Variants in COL27A1 observed in about 807,000 individuals in gnomAD.
COL27A1 encodes collagen type XXVII alpha 1 chain.
COL27A1 carries 106 observed loss-of-function variants against 251.3 expected under a neutral mutation model. The observed-to-expected ratio is 0.42, with a 90% CI of 0.36 to 0.50. COL27A1 has a LOEUF of 0.50. Among genes scored for constraint, COL27A1 ranks in the 20% least tolerant of loss-of-function variants. COL27A1 has a pLI of 0.00. For synonymous variants in COL27A1, 1,000 were observed against 986.3 expected, an observed-to-expected ratio of 1.01 and a Z score of -0.26; for missense variants, 2,325 against 2,522.8, an observed-to-expected ratio of 0.92 and a Z score of 1.68.
intron 34 of COL27A1, among the ~76,000 whole-genome samples, chr9:114,268,048 C>T (rs1021329529): frequency 5.9e-5 from 9 of 152,318 alleles, no homozygotes; most frequent in African/African-American, 2.2e-4. Context: ...TCCAGTCACC[C>T]CCTTCCATGC....
In COL27A1 at chr9:114,202,076, G is replaced by A. The variant is rs141547777; in HGVS notation, c.2125-3026G>A. Among the ~76,000 whole-genome samples the A allele has an allele frequency of 3.3e-3, 496 of 152,338 alleles. 2 individuals carry two copies. Among genetic ancestry groups the A allele is most frequent in the African/African-American group, 0.011 (477 of 41,580 alleles). Reference sequence around the variant, plus strand: ...GGAGTCCATGAACTGATATGTGAAGGCTTCAGTGCTGAGCCAGGCATAGGG... The same window carrying A: ...GGAGTCCATGAACTGATATGTGAAGACTTCAGTGCTGAGCCAGGCATAGGG... On this transcript the variant is annotated intron_variant, in intron 7 of 60. Coordinates refer to ENST00000356083, the MANE Select transcript of COL27A1 (RefSeq NM_032888.4).
intron 27 of COL27A1, among the ~76,000 whole-genome samples, chr9:114,255,039 C>T (rs1280908176): frequency 2.0e-5 from 3 of 152,184 alleles, no homozygotes; most frequent in African/African-American, 7.2e-5. Context: ...TCTGTCCATC[C>T]TCATGATTCT....
intron 24 of COL27A1, among the ~76,000 whole-genome samples, chr9:114,246,689 C>T (rs1424541474): frequency 2.0e-5 from 3 of 152,144 alleles, no homozygotes; most frequent in Non-Finnish European, 4.4e-5. Flanking sequence ...CCGTCAGTGG[C>T]GTGAGAGTCA....
At position 114,300,621 on chromosome 9, in the gene COL27A1, A is replaced by G; in HGVS notation, c.4639-4A>G. 6.5e-7 allele frequency: 1 copy of G among 1,536,052 alleles called. No homozygotes were observed. The highest frequency in any genetic ancestry group is 8.7e-7 in the Non-Finnish European group (1 of 1,143,802). On this transcript the variant is annotated splice_region_variant and splice_polypyrimidine_tract_variant and intron_variant, in intron 50 of 60. Transcript: ENST00000356083. Reference sequence around the variant, plus strand: ...ACAGACAGCCCTTTCTCTGCCTCCCACAGGGCCCGCCTGGAGACATTGGCT... The same window carrying G: ...ACAGACAGCCCTTTCTCTGCCTCCCGCAGGGCCCGCCTGGAGACATTGGCT...
chr9:114,251,657 C>A (rs181665462), intron 25 of COL27A1, among the ~76,000 whole-genome samples: 1 of 152,300 alleles, frequency 6.6e-6, no homozygotes, highest in Admixed American at 6.5e-5. Flanking sequence ...TGACCCATGT[C>A]CCTTCTCACC....
At chr9:114,172,697 G>A (rs1486127464) in intron 3 of COL27A1, among the ~76,000 whole-genome samples, 3 of 152,162 alleles carry the variant, frequency 2.0e-5, no homozygotes, top group Non-Finnish European at 4.4e-5. Flanking sequence ...GGGAGGCCGA[G>A]GTAGGAGAAT....
intron 59 of COL27A1, among the ~76,000 whole-genome samples, chr9:114,308,089 A>G (rs1014306606): frequency 1.3e-5 from 2 of 152,018 alleles, no homozygotes; most frequent in East Asian, 1.9e-4. Context: ...ATGAATCATC[A>G]GCATGAAATA....
At chr9:114,244,892 C>CA (rs1833007457) in intron 23 of COL27A1, among the ~76,000 whole-genome samples, 1 of 152,086 alleles carries the variant, frequency 6.6e-6, no homozygotes, top group Non-Finnish European at 1.5e-5. Flanking sequence ...CAGCATGGGA[C>CA]AAAACAGACA....
Position 114,201,327 on chromosome 9 carries a change from G to T in COL27A1, c.2125-3775G>T, listed in dbSNP as rs375664618. Among the ~76,000 whole-genome samples the T allele has an allele frequency of 9.8e-5, 15 of 152,322 alleles. No individual in the cohort carries two copies. The East Asian group carries it at 2.7e-3, about 27-fold the overall frequency. On this transcript the variant is annotated intron_variant, in intron 7 of 60. Transcript: ENST00000356083. ...CAGCACCCGCCCCATAATTGGCGGG[G>T]CGCTGCACAAGATAATGGTTTAGAT...
intron 14 of COL27A1, among the ~76,000 whole-genome samples, chr9:114,224,195 G>T (rs562568974): frequency 6.6e-6 from 1 of 152,322 alleles, no homozygotes; most frequent in Admixed American, 6.5e-5. Context: ...GAACTCTCTA[G>T]AAGTCTTCTA....
intron 5 of COL27A1, among the ~76,000 whole-genome samples, chr9:114,189,049 AAAT>A (rs1828574861): frequency 6.6e-6 from 1 of 152,244 alleles, no homozygotes; most frequent in Admixed American, 6.5e-5. Context: ...CCTTTAAAAA[AAAT>A]AATGTGTCAG....
intron 2 of COL27A1, 53 bp from the exon 3 acceptor site, chr9:114,167,636 G>C (rs1359037141): frequency 2.0e-6 from 3 of 1,488,126 alleles, no homozygotes; most frequent in Non-Finnish European, 2.8e-6. Context: ...AGGGGGTGGG[G>C]TGGGCTGGAG....
At chr9:114,224,094 C>CCCTTCA (rs1554806842) in intron 14 of COL27A1, among the ~76,000 whole-genome samples, 2 of 151,442 alleles carry the variant, frequency 1.3e-5, no homozygotes, top group East Asian at 3.9e-4. Flanking sequence ...TCCCTGATGT[C>CCCTTCA]CATTCAGTAG....
At chr9:114,289,896 G>A (rs1309970232) in intron 45 of COL27A1, among the ~76,000 whole-genome samples, 162 bp from the exon 46 acceptor site, 1 of 152,162 alleles carries the variant, frequency 6.6e-6, no homozygotes, top group Non-Finnish European at 1.5e-5. Flanking sequence ...AGGTTCCAAG[G>A]CCAGCTCTGG....
chr9:114,199,282 G>A (rs1829409425), intron 7 of COL27A1, among the ~76,000 whole-genome samples: 1 of 152,134 alleles, frequency 6.6e-6, no homozygotes, highest in Non-Finnish European at 1.5e-5. Flanking sequence ...CTTCTAATGA[G>A]TAGAAGCCAG....
intron 13 of COL27A1, among the ~76,000 whole-genome samples, chr9:114,220,361 T>C (rs1405124878): frequency 6.6e-6 from 1 of 152,180 alleles, no homozygotes; most frequent in African/African-American, 2.4e-5. Flanking sequence ...GAGCCGAGTC[T>C]GTCTTTCCCT....
At chr9:114,275,016 A>G (rs938583566) in intron 36 of COL27A1, among the ~76,000 whole-genome samples, 3 of 150,042 alleles carry the variant, frequency 2.0e-5, no homozygotes, top group African/African-American at 4.9e-5. Flanking sequence ...GCTTGAGCCC[A>G]GCAGTTGGAG....
intron 1 of COL27A1, 100 bp from the exon 2 acceptor site, chr9:114,162,615 G>A: frequency 5.9e-6 from 5 of 845,528 alleles, no homozygotes; most frequent in South Asian, 4.4e-5. Context: ...CAGGACTGGG[G>A]TGAGACTGGG....
chr9:114,283,305 C>T (rs1075375), intron 39 of COL27A1, among the ~76,000 whole-genome samples: 30,278 of 152,176 alleles, frequency 0.2, 3,734 homozygotes, highest in East Asian at 0.33. Flanking sequence ...CCAAAATAAC[C>T]TCATGAGTGT....
Sources: gnomAD v4.1 joint callset for allele counts (sites outside exome capture counted in the v4.1 genomes callset) on GRCh38, gnomAD v4.1.1 for gene constraint, MANE v1.5 for transcripts, NCBI Gene and HGNC (gene_info 2026-07-23, HGNC 2026-07-21) for gene names.